The following FNDC3A variants were observed in gnomAD, a reference collection of about 807,000 sequenced individuals.
FNDC3A encodes the protein fibronectin type III domain containing 3A.
A neutral mutation model predicts 148.9 loss-of-function variants in FNDC3A; 32 were observed. The ratio of observed to expected loss-of-function variants is 0.21; its 90% confidence interval spans 0.16 to 0.29. The LOEUF (loss-of-function observed/expected upper bound fraction) is 0.29, where lower values mean the gene tolerates loss of function less well. Ranked by LOEUF, FNDC3A falls within the 10% of genes least tolerant of loss-of-function variation. FNDC3A has a pLI of 1.00. For missense variants in FNDC3A, 1,191 were observed against 1,452.8 expected (o/e 0.82, Z 2.93); for synonymous variants, 472 against 473.6 (o/e 1.00, Z 0.04).
rs550234522 is a variant in FNDC3A at position 49,077,635 on chromosome 13, C to T, written c.175+2271C>T. ...ACACACCAGGGCCTGCGACAGGCCC[C>T]GGGCCAAGGGGAGGGAGAGCATTAG... On this transcript the variant is annotated intron_variant, in intron 3 of 25. Transcript: ENST00000492622. 1.8e-4 allele frequency among the ~76,000 whole-genome samples: 28 copies of T among 152,232 alleles called. 1 individual carries two copies. In the South Asian group the frequency reaches 4.4e-3, roughly 24 times the overall value.
At chr13:49,187,449 A>G (rs923031791) in intron 16 of FNDC3A, 47 of 1,311,330 alleles carry the variant, frequency 3.6e-5, no homozygotes, top group Non-Finnish European at 5.2e-5. Flanking sequence ...AATGCTCTTC[A>G]TATCTGTTAA....
At chr13:49,004,910 C>T (rs1274165674) in intron 1 of FNDC3A, among the ~76,000 whole-genome samples, 1 of 151,752 alleles carries the variant, frequency 6.6e-6, no homozygotes, top group Non-Finnish European at 1.5e-5. Flanking sequence ...GTATATTCCA[C>T]AGAGCAACAT....
intron 3 of FNDC3A, among the ~76,000 whole-genome samples, chr13:49,082,790 A>AG (rs1878564231): frequency 6.6e-6 from 1 of 152,126 alleles, no homozygotes; most frequent in African/African-American, 2.4e-5. Flanking sequence ...AGCCTGGTAT[A>AG]GGGAGTCAGA....
At position 49,075,300 on chromosome 13, in the gene FNDC3A, A is replaced by G. The variant is rs1878020951; in HGVS notation, c.111A>G (p.Val37=). The change falls in exon 3 of 26, where the codon GTA becomes GTG. Residue 37 remains valine, a synonymous_variant. Coordinates refer to ENST00000492622, the MANE Select transcript of FNDC3A (RefSeq NM_001079673.2). ...CCCTCATTTTTAAGGTTATTCTGGT[A>G]CAAGTTAACCCAGGAGAAGCATTTA... ...SADGTQQVIL[V]QVNPGEAFTI... is the part of the protein sequence containing the mutation. The G allele has an allele frequency of 1.3e-6, 2 of 1,596,320 alleles. No homozygotes were observed. Among genetic ancestry groups the G allele is most frequent in the Non-Finnish European group, 1.7e-6 (2 of 1,164,932 alleles).
intron 2 of FNDC3A, among the ~76,000 whole-genome samples, chr13:49,030,321 T>C (rs1874018995): frequency 6.6e-6 from 1 of 152,110 alleles, no homozygotes; most frequent in Non-Finnish European, 1.5e-5. Flanking sequence ...ATTCAACACT[T>C]TTCATGATAA....
intron 23 of FNDC3A, among the ~76,000 whole-genome samples, chr13:49,200,516 T>C (rs1244407128): frequency 6.6e-6 from 1 of 152,086 alleles, no homozygotes; most frequent in Non-Finnish European, 1.5e-5. Flanking sequence ...GACAAATTAA[T>C]TGTTTAAATT....
chr13:49,088,327 T>G (rs908905090), intron 3 of FNDC3A, among the ~76,000 whole-genome samples: 1 of 152,218 alleles, frequency 6.6e-6, no homozygotes, highest in Non-Finnish European at 1.5e-5. Flanking sequence ...TTCCACTTCA[T>G]CATGAAATTA....
chr13:49,190,879 C>T, intron 17 of FNDC3A, 136 bp from the exon 18 acceptor site: 14 of 593,700 alleles, frequency 2.4e-5, no homozygotes, highest in South Asian at 7.8e-5. Context: ...AACTTTATTC[C>T]TTTTTTGTTG....
Position 49,027,227 on chromosome 13 carries a change from C to T in FNDC3A, c.99+20938C>T, listed in dbSNP as rs139870300. Among the ~76,000 whole-genome samples, 141 of 152,186 alleles carry T rather than the reference C, an allele frequency of 9.3e-4. 4 individuals are homozygous for T. In the East Asian group the frequency reaches 0.025, roughly 27 times the overall value. On this transcript the variant is annotated intron_variant, in intron 2 of 25. Coordinates refer to ENST00000492622, the MANE Select transcript of FNDC3A (RefSeq NM_001079673.2). ...TCAGTCACTTTGGAGTAAGAAAGGACGTTGAGTTTAAACTCAAAATTCTAC... is the reference window on the plus strand; with the variant it reads ...TCAGTCACTTTGGAGTAAGAAAGGATGTTGAGTTTAAACTCAAAATTCTAC...
chr13:48,984,605 T>C (rs966776760), intron 1 of FNDC3A, among the ~76,000 whole-genome samples: 1 of 152,178 alleles, frequency 6.6e-6, no homozygotes, highest in African/African-American at 2.4e-5. Context: ...AACTGTTTAA[T>C]TGAAGTAAAG....
At chr13:49,030,022 T>A (rs1342252943) in intron 2 of FNDC3A, among the ~76,000 whole-genome samples, 2 of 152,134 alleles carry the variant, frequency 1.3e-5, no homozygotes, top group Non-Finnish European at 2.9e-5. Context: ...TTTGGTGAAT[T>A]CCACCAAATG....
intron 2 of FNDC3A, among the ~76,000 whole-genome samples, chr13:49,025,239 A>G (rs1466295006): frequency 1.3e-5 from 2 of 152,068 alleles, no homozygotes; most frequent in Non-Finnish European, 2.9e-5. Flanking sequence ...ACACTGGTTT[A>G]TAACATTATA....
chr13:49,145,457 A>C (rs558548062), intron 7 of FNDC3A, among the ~76,000 whole-genome samples: 105 of 152,344 alleles, frequency 6.9e-4, no homozygotes, highest in African/African-American at 2.3e-3. Context: ...CTGTTGTAAA[A>C]ACATTTTCTA....
intron 1 of FNDC3A, among the ~76,000 whole-genome samples, chr13:49,001,373 C>G (rs1282133732): frequency 2.6e-5 from 4 of 152,092 alleles, no homozygotes; most frequent in Non-Finnish European, 5.9e-5. Context: ...GGGTTAACTG[C>G]ACAAATTGTT....
In FNDC3A at chr13:49,209,657, T is replaced by C. The variant is rs559420932; in HGVS notation, c.*2262T>C. Reference sequence around the variant, plus strand: ...ACCTGTTTAAGAAAGTGAAATGTTATGGTCTCCCCTCTTCCAATGAGCTTA... The same window carrying C: ...ACCTGTTTAAGAAAGTGAAATGTTACGGTCTCCCCTCTTCCAATGAGCTTA... On this transcript the variant is annotated 3_prime_UTR_variant, in exon 26 of 26. Coordinates refer to ENST00000492622, the MANE Select transcript of FNDC3A (RefSeq NM_001079673.2). 3 of 152,702 alleles carry C rather than the reference T, an allele frequency of 2.0e-5. No individual in the cohort carries two copies. The highest frequency in any genetic ancestry group is 1.9e-4 in the East Asian group (1 of 5,194). 9.5% of individuals were successfully genotyped at this position (152,702 alleles called of 1,614,324 possible). A position where few individuals can be genotyped will look rare whatever the true frequency, so the allele number is the denominator to read the frequency against.
chr13:49,197,761 C>A lies in FNDC3A; in HGVS notation c.2377C>A (p.Arg793=), dbSNP rs1886223578. ...LSNGTDVTEY[R]LEWGGVEGSM... is the part of the protein sequence containing the mutation. ...TAATGGAACAGATGTCACTGAATAT[C>A]GACTGGAGTGGGGAGGAGTTGAAGG... Residue 793 remains arginine, a synonymous_variant, in exon 21 of 26, where the codon CGA becomes AGA. Coordinates refer to ENST00000492622, the MANE Select transcript of FNDC3A (RefSeq NM_001079673.2). The A allele has an allele frequency of 3.7e-6, 6 of 1,611,020 alleles. No individual in the cohort carries two copies. The highest frequency in any genetic ancestry group is 1.3e-5 in the African/African-American group (1 of 74,654).
intron 5 of FNDC3A, among the ~76,000 whole-genome samples, chr13:49,133,758 G>A (rs529404145): frequency 2.6e-5 from 4 of 152,258 alleles, no homozygotes; most frequent in South Asian, 2.1e-4. Context: ...TGAGGAAACC[G>A]AGGCTCAGAA....
intron 1 of FNDC3A, among the ~76,000 whole-genome samples, chr13:49,005,918 A>C (rs183347342): frequency 6.6e-6 from 1 of 152,090 alleles, no homozygotes; most frequent in East Asian, 1.9e-4. Context: ...TATTCGCTTT[A>C]ATATATCATA....
intron 1 of FNDC3A, among the ~76,000 whole-genome samples, chr13:48,978,233 T>C (rs1415234254): frequency 1.3e-5 from 2 of 152,192 alleles, no homozygotes; most frequent in African/African-American, 4.8e-5. Context: ...ATTTTATTAC[T>C]AATTTAAAAA....
Sources: allele counts gnomAD v4.1 joint callset (sites outside exome capture counted in the v4.1 genomes callset), GRCh38; gene constraint gnomAD v4.1.1; transcripts MANE v1.5; gene names NCBI Gene and HGNC (gene_info 2026-07-23, HGNC 2026-07-21).